Variants in CCDC149 observed in about 807,000 individuals in gnomAD.
CCDC149 encodes the protein coiled-coil domain-containing protein 149.
Under a neutral mutation model 59.9 loss-of-function variants are expected in CCDC149, and 45 were observed. The ratio of observed to expected loss-of-function variants is 0.75; its 90% CI spans 0.59 to 0.96. CCDC149 has a LOEUF of 0.96. Among genes scored for constraint, CCDC149 ranks in the 40% least tolerant of loss-of-function variants. The pLI is 0.00. For synonymous variants in CCDC149, 245 were observed against 260.6 expected (o/e 0.94, Z 0.58); for missense variants, 584 against 664.7 (o/e 0.88, Z 1.33).
intron 1 of CCDC149, among the ~76,000 whole-genome samples, chr4:24,948,716 G>A (rs568083931): frequency 3.2e-4 from 49 of 152,216 alleles, no homozygotes; most frequent in African/African-American, 4.6e-4. Context: ...AGAATCATCC[G>A]TGATATGGTT....
At chr4:24,895,033 T>A (rs1175142789) in intron 1 of CCDC149, 2 of 1,517,380 alleles carry the variant, frequency 1.3e-6, no homozygotes, top group Non-Finnish European at 1.8e-6. Flanking sequence ...ATGATGATGA[T>A]GACGACGACG....
chr4:24,916,970 C>T (rs184318012), upstream of CCDC149, among the ~76,000 whole-genome samples: 58 of 152,262 alleles, frequency 3.8e-4, no homozygotes, highest in South Asian at 8.1e-3. Context: ...CTGGTGAGTG[C>T]CACAGCCAGG....
At chr4:24,884,946 T>C (rs1720071888) in intron 1 of CCDC149, among the ~76,000 whole-genome samples, 1 of 151,986 alleles carries the variant, frequency 6.6e-6, no homozygotes, top group East Asian at 1.9e-4. Flanking sequence ...GGATACATCT[T>C]GGTTGGGGAT....
intron 4 of CCDC149, 151 bp from the exon 5 acceptor site, chr4:24,838,423 T>G (rs954329100): frequency 3.2e-6 from 2 of 627,784 alleles, no homozygotes; most frequent in African/African-American, 3.7e-5. Flanking sequence ...GTATCATCCA[T>G]TTTTTAAAAA....
intron 1 of CCDC149, among the ~76,000 whole-genome samples, chr4:24,933,681 C>T (rs1292188494): frequency 2.0e-5 from 3 of 152,026 alleles, no homozygotes; most frequent in Non-Finnish European, 4.4e-5. Flanking sequence ...AAGCTGTAGA[C>T]AAATAAATGA....
At chr4:24,924,302 A>C (rs143735108) in intron 1 of CCDC149, among the ~76,000 whole-genome samples, 1 of 152,222 alleles carries the variant, frequency 6.6e-6, no homozygotes, top group South Asian at 2.1e-4. Context: ...CATCTTACAC[A>C]TGTGAAAACC....
At chr4:24,913,315 A>G (rs1560254289), upstream of CCDC149, among the ~76,000 whole-genome samples, 2 of 152,198 alleles carry the variant, frequency 1.3e-5, no homozygotes, top group South Asian at 2.1e-4. Flanking sequence ...TCCGACCACC[A>G]TCACGACTCC....
intron 3 of CCDC149, among the ~76,000 whole-genome samples, chr4:24,853,603 A>G (rs932115963): frequency 2.6e-5 from 4 of 151,866 alleles, no homozygotes; most frequent in African/African-American, 7.3e-5. Flanking sequence ...AAAAAAAAAA[A>G]AAAGAGAGAG....
chr4:24,833,662 T>C (rs1418992678), intron 8 of CCDC149, among the ~76,000 whole-genome samples: 3 of 152,224 alleles, frequency 2.0e-5, no homozygotes, highest in Admixed American at 1.3e-4. Context: ...GCTGGACATT[T>C]ACTGTGTTTT....
At chr4:24,979,850 C>T (rs916454043) in intron 1 of CCDC149, among the ~76,000 whole-genome samples, 2 of 152,122 alleles carry the variant, frequency 1.3e-5, no homozygotes, top group Admixed American at 6.5e-5. Context: ...CTGAATGTCA[C>T]GTCAATGCGT....
chr4:24,962,150 G>A (rs1723651339), intron 1 of CCDC149, among the ~76,000 whole-genome samples: 1 of 152,060 alleles, frequency 6.6e-6, no homozygotes, highest in Non-Finnish European at 1.5e-5. Context: ...AGTGGGCAAA[G>A]GATATGAACA....
intron 1 of CCDC149, among the ~76,000 whole-genome samples, chr4:24,927,057 G>A (rs1336040663): frequency 6.6e-6 from 1 of 152,188 alleles, no homozygotes; most frequent in African/African-American, 2.4e-5. Context: ...CATCCCATAG[G>A]TTACAAGGAA....
intron 11 of CCDC149, among the ~76,000 whole-genome samples, chr4:24,820,443 T>A (rs953527888): frequency 3.3e-5 from 5 of 152,174 alleles, no homozygotes; most frequent in African/African-American, 9.7e-5. Flanking sequence ...TTCTTTGATG[T>A]CACTGGAACT....
intron 3 of CCDC149, among the ~76,000 whole-genome samples, chr4:24,873,441 AG>A (rs903908165): frequency 6.6e-6 from 1 of 152,234 alleles, no homozygotes. Flanking sequence ...ATCTCCCATC[AG>A]GATTCCCAAC....
At chr4:24,869,306 G>A (rs142290095) in intron 3 of CCDC149, among the ~76,000 whole-genome samples, 199 of 152,270 alleles carry the variant, frequency 1.3e-3, no homozygotes, top group African/African-American at 4.4e-3. Flanking sequence ...TGGCAGTCAC[G>A]CTTCCGCTTC....
chr4:24,818,234 A>G (rs1255173325), intron 12 of CCDC149, among the ~76,000 whole-genome samples: 1 of 152,114 alleles, frequency 6.6e-6, no homozygotes, highest in Non-Finnish European at 1.5e-5. Context: ...TGAGCCTGAG[A>G]AGCTGAGAGG....
At chr4:24,856,270 C>T (rs1473558894) in intron 3 of CCDC149, among the ~76,000 whole-genome samples, 2 of 152,202 alleles carry the variant, frequency 1.3e-5, no homozygotes, top group African/African-American at 2.4e-5. Context: ...CTGCCTGGCA[C>T]TGTTTTAGAC....
intron 1 of CCDC149, among the ~76,000 whole-genome samples, chr4:24,941,567 C>A (rs1268323760): frequency 2.0e-5 from 3 of 151,744 alleles, no homozygotes; most frequent in African/African-American, 4.8e-5. Context: ...TGAAGGAAAT[C>A]GAGACACAAA....
chr4:24,824,453 C>G (rs562695866), intron 9 of CCDC149, among the ~76,000 whole-genome samples: 1 of 152,318 alleles, frequency 6.6e-6, no homozygotes, highest in East Asian at 1.9e-4. Context: ...TTTCCGGAGT[C>G]CGTAATACAC....
Sources: gnomAD v4.1 joint callset for allele counts (sites outside exome capture counted in the v4.1 genomes callset) on GRCh38, gnomAD v4.1.1 for gene constraint, MANE v1.5 for transcripts, NCBI Gene and HGNC (gene_info 2026-07-23, HGNC 2026-07-21) for gene names.